KIF20B: variants seen among roughly 807,000 people sequenced by gnomAD.
KIF20B encodes kinesin-like protein KIF20B.
Under a neutral mutation model 232.5 loss-of-function variants are expected in KIF20B, and 188 were observed. The ratio of observed to expected loss-of-function variants is 0.81; its 90% confidence interval spans 0.72 to 0.91. KIF20B has a LOEUF of 0.91. Among genes scored for constraint, KIF20B ranks in the 40% least tolerant of loss-of-function variants. The pLI is 0.00. For synonymous variants in KIF20B, 712 were observed against 683.0 expected (o/e 1.04, Z -0.66); for missense variants, 2,154 against 2,055.9 (o/e 1.05, Z -0.92).
chr10:89,764,940 CT>C (rs1163546667), intron 29 of KIF20B, among the ~76,000 whole-genome samples: 1 of 151,426 alleles, frequency 6.6e-6, no homozygotes, highest in Non-Finnish European at 1.5e-5. Flanking sequence ...GTTGCCATTG[CT>C]TTTGGTGTTT....
intron 18 of KIF20B, 95 bp downstream of exon 18, chr10:89,729,342 A>C: frequency 8.5e-7 from 1 of 1,177,202 alleles, no homozygotes; most frequent in Admixed American, 3.2e-5. Flanking sequence ...AACTAAGACT[A>C]ATTTATTGAG....
At chr10:89,736,534 G>T (rs1841657212) in intron 19 of KIF20B, among the ~76,000 whole-genome samples, 1 of 152,098 alleles carries the variant, frequency 6.6e-6, no homozygotes. Flanking sequence ...CATTTATGTA[G>T]TCATTTAACT....
chr10:89,716,884 CAGTG>C (rs1364993928), intron 9 of KIF20B, among the ~76,000 whole-genome samples: 2 of 152,030 alleles, frequency 1.3e-5, no homozygotes, highest in Non-Finnish European at 2.9e-5. Context: ...TAAATATACT[CAGTG>C]AGGGTATAAT....
chr10:89,714,200 G>T lies in KIF20B; in HGVS notation c.712+117G>T, dbSNP rs1473451248. The T allele has an allele frequency of 3.1e-5, 15 of 483,514 alleles. No individual in the cohort carries two copies. In the East Asian group the frequency reaches 4.9e-4, roughly 16 times the overall value. 30.0% of individuals were successfully genotyped at this position (483,514 alleles called of 1,614,324 possible). A position where few individuals can be genotyped will look rare whatever the true frequency, so the allele number is the denominator to read the frequency against. Reference sequence around the variant, plus strand: ...ATTTTTATTATTAAAAAATTTTTAGGCTGGGCGCGGTGGCTCATGCCTGTA... The same window carrying T: ...ATTTTTATTATTAAAAAATTTTTAGTCTGGGCGCGGTGGCTCATGCCTGTA... On this transcript the variant is annotated intron_variant, in intron 7 of 32. Coordinates refer to ENST00000371728, the MANE Select transcript of KIF20B (RefSeq NM_001284259.2).
Position 89,738,401 on chromosome 10 carries a change from T to C in KIF20B, c.3560T>C (p.Ile1187Thr). The C allele has an allele frequency of 1.2e-6, 2 of 1,601,720 alleles. No homozygotes were observed. The highest frequency in any genetic ancestry group is 1.7e-6 in the Non-Finnish European group (2 of 1,176,976). Residue 1187 changes from isoleucine (I) to threonine (T), a missense_variant, in exon 20 of 33, where the codon ATT becomes ACT. By Grantham distance (89) the Ile-to-Thr change is moderately conservative (BLOSUM62 -1). Coordinates refer to ENST00000371728, the MANE Select transcript of KIF20B (RefSeq NM_001284259.2). ...CSHSAKLEQD[I>T]LEKESIILKL... is the part of the protein sequence containing the mutation. ...CATTCAGCCAAGTTAGAACAAGACA[T>C]TTTGGAAAAGGAATCTATCATCTTA... is the stretch of plus-strand genomic sequence containing the variant.
At chr10:89,773,928 T>C (rs771164043) in intron 32 of KIF20B, 43 bp from the exon 33 acceptor site, 10 of 1,184,026 alleles carry the variant, frequency 8.4e-6, no homozygotes, top group South Asian at 1.6e-5. Context: ...TATTTTTATT[T>C]TCACTTACAA....
chr10:89,734,364 T>C (rs1019836517), intron 19 of KIF20B, among the ~76,000 whole-genome samples: 4 of 152,122 alleles, frequency 2.6e-5, no homozygotes, highest in African/African-American at 9.7e-5. Flanking sequence ...TGAGCCAAGA[T>C]TGCGCCATTG....
At position 89,737,753 on chromosome 10, in the gene KIF20B, C is replaced by G; in HGVS notation, c.2912C>G (p.Ala971Gly). The G allele has an allele frequency of 6.2e-7, 1 of 1,611,506 alleles. No individual in the cohort carries two copies. The highest frequency in any genetic ancestry group is 8.5e-7 in the Non-Finnish European group (1 of 1,178,412). The change falls in exon 20 of 33, where the codon GCT becomes GGT. Residue 971 changes from alanine (A) to glycine (G), a missense_variant. Coordinates refer to ENST00000371728, the MANE Select transcript of KIF20B (RefSeq NM_001284259.2). ...AAATTGTCAAATGAGATAGAAACTG[C>G]TACAAGAAGCATTACAAATAATGTT... Reference protein sequence around the residue: ...IMKLSNEIETATRSITNNVSQ... With the variant: ...IMKLSNEIETGTRSITNNVSQ...
intron 13 of KIF20B, among the ~76,000 whole-genome samples, chr10:89,720,277 T>G (rs1365903051): frequency 6.6e-6 from 1 of 152,136 alleles, no homozygotes; most frequent in Non-Finnish European, 1.5e-5. Flanking sequence ...ATACCTGCAA[T>G]TTAGATTTGT....
intron 28 of KIF20B, among the ~76,000 whole-genome samples, chr10:89,761,992 A>G (rs1842252156): frequency 2.0e-5 from 3 of 152,174 alleles, no homozygotes; most frequent in African/African-American, 7.2e-5. Context: ...TGATTAATTC[A>G]GTTAACTGGT....
intron 31 of KIF20B, among the ~76,000 whole-genome samples, chr10:89,769,233 G>A (rs1240159394): frequency 2.0e-5 from 3 of 151,958 alleles, no homozygotes; most frequent in African/African-American, 7.2e-5. Flanking sequence ...TTTATCCTGT[G>A]TATTGAAATG....
intron 14 of KIF20B, among the ~76,000 whole-genome samples, chr10:89,724,678 G>A (rs1054185360): frequency 2.0e-5 from 3 of 151,938 alleles, no homozygotes; most frequent in Admixed American, 6.6e-5. Flanking sequence ...CTTGGCTCAC[G>A]GCAACCTGCA....
intron 2 of KIF20B, among the ~76,000 whole-genome samples, chr10:89,706,485 T>C (rs555141393): frequency 6.6e-6 from 1 of 152,222 alleles, no homozygotes; most frequent in Non-Finnish European, 1.5e-5. Context: ...AACTTTCGCC[T>C]TCCCCAAAGT....
intron 26 of KIF20B, among the ~76,000 whole-genome samples, chr10:89,757,040 G>GTGTGTGTGTGTATATGTA (rs1301847520): frequency 9.0e-6 from 1 of 110,748 alleles, no homozygotes; most frequent in African/African-American, 3.3e-5. Flanking sequence ...GTGTGTGTGT[G>GTGTGTGTGTGTATATGTA]TATATATATA....
Position 89,705,326 on chromosome 10 carries a change from C to G in KIF20B, c.32C>G (p.Pro11Arg). The stretch of plus-strand genomic sequence containing the variant: ...TCTAATTTTAATCAAGAGGGAGTAC[C>G]TCGACCATCTTATGTTTTTAGTGCT... MESNFNQEGV[P>R]RPSYVFSADP... The change falls in exon 2 of 33, where the codon CCT becomes CGT. Residue 11 changes from proline (P) to arginine (R), a missense_variant. Transcript: ENST00000371728. 1.2e-6 allele frequency: 2 copies of G among 1,613,932 alleles called. No homozygotes were observed. Among genetic ancestry groups the G allele is most frequent in the Non-Finnish European group, 1.7e-6 (2 of 1,179,882 alleles).
chr10:89,722,096 T>C (rs903383217), intron 13 of KIF20B, among the ~76,000 whole-genome samples: 1 of 152,090 alleles, frequency 6.6e-6, no homozygotes, highest in African/African-American at 2.4e-5. Flanking sequence ...AAATGTTTTG[T>C]AGACATGAGG....
At chr10:89,717,196 A>C (rs1049387026) in intron 9 of KIF20B, among the ~76,000 whole-genome samples, 11 of 152,198 alleles carry the variant, frequency 7.2e-5, no homozygotes, top group African/African-American at 2.2e-4. Flanking sequence ...TTGAACTGTC[A>C]GGATATAATT....
rs748993169 is a variant in KIF20B, at chr10:89,714,945, T to TC, written c.713-10_713-9insC. ...TTCGTGATTGTTTTTTCTTTTTCTT[T>TC]TTTTTGTAGGAAGTTTAACTAACTC... is the stretch of plus-strand genomic sequence containing the variant. On this transcript the variant is annotated splice_polypyrimidine_tract_variant and intron_variant, in intron 7 of 32. Coordinates refer to ENST00000371728, the MANE Select transcript of KIF20B (RefSeq NM_001284259.2). The TC allele has an allele frequency of 5.4e-6, 8 of 1,477,782 alleles. No homozygotes were observed. Among genetic ancestry groups the TC allele is most frequent in the Non-Finnish European group, 7.4e-6 (8 of 1,082,630 alleles). 91.5% of individuals were successfully genotyped at this position (1,477,782 alleles called of 1,614,324 possible). A position where few individuals can be genotyped will look rare whatever the true frequency, so the allele number is the denominator to read the frequency against.
In KIF20B at chr10:89,762,767, G is replaced by T. The variant is rs773064916; in HGVS notation, c.4921G>T (p.Gly1641Cys). 21 of 1,613,310 alleles carry T rather than the reference G, an allele frequency of 1.3e-5. No homozygotes were observed. Among genetic ancestry groups the T allele is most frequent in the Admixed American group, 3.3e-5 (2 of 59,890 alleles). Residue 1641 changes from glycine (G) to cysteine (C), a missense_variant, in exon 29 of 33, where the codon GGT (glycine) becomes TGT (cysteine). Physicochemically the swap from Gly to Cys is radical, Grantham distance 159 (BLOSUM62 -3). Transcript: ENST00000371728. ...AAACAAAATGGCAGTGAAACACCCTGGTTGTACCACACCAGTGACAGTTAA... is the reference window on the plus strand; with the variant it reads ...AAACAAAATGGCAGTGAAACACCCTTGTTGTACCACACCAGTGACAGTTAA... ...QPNKMAVKHP[G>C]CTTPVTVKIP...
Sources: allele counts gnomAD v4.1 joint callset (sites outside exome capture counted in the v4.1 genomes callset), GRCh38; gene constraint gnomAD v4.1.1; transcripts MANE v1.5; gene names NCBI Gene and HGNC (gene_info 2026-07-23, HGNC 2026-07-21).